The following RASSF3 variants were observed in gnomAD, a reference collection of about 807,000 sequenced individuals.
RASSF3 encodes ras association domain-containing protein 3.
In RASSF3, 19 loss-of-function variants were observed where a neutral mutation model predicts 19.9. The ratio of observed to expected loss-of-function variants is 0.96; its 90% CI spans 0.67 to 1.40. The LOEUF is 1.40. RASSF3 is among the 40% of genes most tolerant of loss of function. The pLI is 0.00. For synonymous variants in RASSF3, 110 were observed against 104.2 expected (o/e 1.06, Z -0.34); for missense variants, 306 against 289.8 (o/e 1.06, Z -0.41).
rs544634809 is a variant in RASSF3 at position 64,694,784 on chromosome 12, G to T, written c.589G>T (p.Glu197Ter). 3 of 1,614,206 alleles carry T rather than the reference G, an allele frequency of 1.9e-6. No homozygotes were observed. Among genetic ancestry groups the T allele is most frequent in the Non-Finnish European group, 2.5e-6 (3 of 1,180,022 alleles). The change falls in exon 5 of 5, where the codon GAA becomes TAA. Residue 197 changes from glutamate to a stop codon, truncating the protein, a stop_gained. Transcript: ENST00000542104. LOFTEE classifies it low-confidence loss of function (END_TRUNC). ...IGEWEAFSLP[E>*]LQNFLRILDK... ...ACAGTGGGAAGCCTTCAGCCTTCCA[G>T]AACTACAGAATTTCTTGCGCATCTT...
At chr12:64,542,872 C>A (rs1164295627), downstream of RASSF3, among the ~76,000 whole-genome samples, 1 of 152,232 alleles carries the variant, frequency 6.6e-6, no homozygotes, top group Non-Finnish European at 1.5e-5. Flanking sequence ...CTGTGGGAGC[C>A]CCTTCCTGGG....
At chr12:64,547,481 C>T (rs1342591313) in intron 2 of RASSF3, among the ~76,000 whole-genome samples, 1 of 151,628 alleles carries the variant, frequency 6.6e-6, no homozygotes, top group African/African-American at 2.4e-5. Context: ...GCAGGAGAAT[C>T]GCTTGAACGC....
chr12:64,558,660 A>G (rs540236339), intron 2 of RASSF3, among the ~76,000 whole-genome samples: 2 of 152,240 alleles, frequency 1.3e-5, no homozygotes, highest in East Asian at 1.9e-4. Context: ...CCCTTTCTCT[A>G]TTTTATAATC....
intron 1 of RASSF3, among the ~76,000 whole-genome samples, chr12:64,536,102 C>T (rs1481378035): frequency 6.7e-6 from 1 of 150,274 alleles, no homozygotes; most frequent in Non-Finnish European, 1.5e-5. Context: ...GGGTTCACGC[C>T]ATTCCCCTGC....
At chr12:64,549,196 G>A (rs989466761) in intron 2 of RASSF3, among the ~76,000 whole-genome samples, 8 of 152,208 alleles carry the variant, frequency 5.3e-5, no homozygotes, top group African/African-American at 1.9e-4. Context: ...TGGAGAGACA[G>A]ACTGTTCTTC....
At chr12:64,621,405 C>G (rs956169610) in intron 1 of RASSF3, among the ~76,000 whole-genome samples, 4 of 152,114 alleles carry the variant, frequency 2.6e-5, no homozygotes, top group African/African-American at 7.2e-5. Context: ...GATGGTTCTG[C>G]TTTTTTGAGG....
At chr12:64,561,837 C>T (rs768450256) in intron 2 of RASSF3, among the ~76,000 whole-genome samples, 9 of 150,558 alleles carry the variant, frequency 6.0e-5, no homozygotes, top group South Asian at 2.1e-4. Context: ...GGATTACAGG[C>T]GAGCCCAACC....
intron 1 of RASSF3, among the ~76,000 whole-genome samples, chr12:64,681,512 C>T (rs1346454052): frequency 6.6e-6 from 1 of 152,190 alleles, no homozygotes; most frequent in Non-Finnish European, 1.5e-5. Flanking sequence ...TGCAACACCC[C>T]TTTGCCCTGC....
chr12:64,664,721 C>T (rs1219155115), intron 1 of RASSF3, among the ~76,000 whole-genome samples: 3 of 152,070 alleles, frequency 2.0e-5, no homozygotes, highest in African/African-American at 4.8e-5. Context: ...GACCAAGCAC[C>T]GGCACTTTCC....
At chr12:64,567,947 A>G (rs1030194447) in intron 2 of RASSF3, among the ~76,000 whole-genome samples, 2 of 152,366 alleles carry the variant, frequency 1.3e-5, no homozygotes, top group East Asian at 3.9e-4. Flanking sequence ...GAGAGTGTTT[A>G]CATAGACCCC....
chr12:64,689,267 T>C lies in RASSF3; in HGVS notation c.457+814T>C, dbSNP rs184881608. Among the ~76,000 whole-genome samples the C allele has an allele frequency of 2.5e-3, 377 of 150,024 alleles. 1 individual carries two copies. The highest frequency in any genetic ancestry group is 0.021 in the Middle Eastern group (6 of 286). On this transcript the variant is annotated intron_variant, in intron 3 of 4. Transcript: ENST00000542104. The stretch of plus-strand genomic sequence containing the variant: ...TGTGTACAATAAACTATTTAAGCTT[T>C]CTTTGGTTTTTCTCGGTAAAGCCTA...
Position 64,535,509 on chromosome 12 carries a change from C to T in RASSF3, c.67+2175C>T, listed in dbSNP as rs370160830. Reference sequence around the variant, plus strand: ...CCTCCTGAGTAGCTGAAACTACAGGCACACGCCACCACATCAGCTAATTTT... The same window carrying T: ...CCTCCTGAGTAGCTGAAACTACAGGTACACGCCACCACATCAGCTAATTTT... On this transcript the variant is annotated intron_variant, in intron 1 of 1. Coordinates refer to the RASSF3 transcript ENST00000636333. Among the ~76,000 whole-genome samples, 18 of 151,986 alleles carry T rather than the reference C, an allele frequency of 1.2e-4. No individual in the cohort carries two copies. The East Asian group carries it at 3.3e-3, about 28-fold the overall frequency.
chr12:64,643,386 G>A (rs975361058), intron 1 of RASSF3, among the ~76,000 whole-genome samples: 1 of 151,980 alleles, frequency 6.6e-6, no homozygotes, highest in Non-Finnish European at 1.5e-5. Context: ...AGCATGTATA[G>A]AAGCCGGTGA....
rs534072541 is a variant in RASSF3 at position 64,647,690 on chromosome 12, C to T, written c.111+36947C>T. 6.0e-4 allele frequency among the ~76,000 whole-genome samples: 92 copies of T among 152,154 alleles called. 2 individuals are homozygous for T. The East Asian group carries it at 0.013, about 21-fold the overall frequency. On this transcript the variant is annotated intron_variant, in intron 1 of 4. Transcript: ENST00000542104. Reference sequence around the variant, plus strand: ...CCTCCCAAAGTGCTGGGATTACAGGCATGAACCACCGCGCCCGGCCCCGGC... The same window carrying T: ...CCTCCCAAAGTGCTGGGATTACAGGTATGAACCACCGCGCCCGGCCCCGGC...
At chr12:64,579,041 C>A (rs1173954037) in intron 2 of RASSF3, among the ~76,000 whole-genome samples, 1 of 151,754 alleles carries the variant, frequency 6.6e-6, no homozygotes, top group African/African-American at 2.4e-5. Flanking sequence ...GCAGGAGAAT[C>A]GCTTGAACCC....
intron 2 of RASSF3, among the ~76,000 whole-genome samples, chr12:64,587,192 T>C (rs987950561): frequency 1.3e-5 from 2 of 151,430 alleles, no homozygotes; most frequent in Admixed American, 1.3e-4. Context: ...GTAGCTGGGA[T>C]TACAGGCATG....
At chr12:64,646,093 T>C (rs1871720283) in intron 1 of RASSF3, among the ~76,000 whole-genome samples, 1 of 152,032 alleles carries the variant, frequency 6.6e-6, no homozygotes, top group Non-Finnish European at 1.5e-5. Flanking sequence ...TGTAAAATAT[T>C]ACATTGTTTG....
At chr12:64,527,429 C>G (rs975150901) in intron 1 of RASSF3, among the ~76,000 whole-genome samples, 1 of 152,184 alleles carries the variant, frequency 6.6e-6, no homozygotes, top group Non-Finnish European at 1.5e-5. Context: ...ATATGGCACA[C>G]AGTAAGTGCA....
At chr12:64,644,001 T>C (rs1286709847) in intron 1 of RASSF3, among the ~76,000 whole-genome samples, 1 of 151,932 alleles carries the variant, frequency 6.6e-6, no homozygotes. Context: ...TATTGTGGTA[T>C]TTTGTTTTTC....
Sources: allele counts gnomAD v4.1 joint callset (sites outside exome capture counted in the v4.1 genomes callset), GRCh38; gene constraint gnomAD v4.1.1; transcripts MANE v1.5; gene names NCBI Gene and HGNC (gene_info 2026-07-23, HGNC 2026-07-21).